Variants in KIAA0232 observed in about 807,000 individuals in gnomAD.
KIAA0232 encodes the protein KIAA0232, also known as uncharacterized protein KIAA0232.
KIAA0232 carries 27 observed loss-of-function variants against 122.0 expected under a neutral mutation model. That is an observed-to-expected ratio of 0.22 (90% confidence interval 0.16 to 0.31). The LOEUF is 0.31. KIAA0232 is among the 10% of genes least tolerant of loss of function. KIAA0232 has a pLI of 1.00. For synonymous variants in KIAA0232, 613 were observed against 587.6 expected (o/e 1.04, Z -0.63); for missense variants, 1,551 against 1,634.2 (o/e 0.95, Z 0.88).
chr4:6,784,082 A>T (rs1270249362), intron 1 of KIAA0232, among the ~76,000 whole-genome samples: 1 of 151,918 alleles, frequency 6.6e-6, no homozygotes, highest in Non-Finnish European at 1.5e-5. Flanking sequence ...TCTATAGGCA[A>T]GCTATAAAGA....
intron 1 of KIAA0232, among the ~76,000 whole-genome samples, chr4:6,790,188 T>A (rs1716829359): frequency 6.6e-6 from 1 of 152,172 alleles, no homozygotes; most frequent in Non-Finnish European, 1.5e-5. Context: ...CTGTTGAGAT[T>A]TCTGTTTCTG....
chr4:6,826,138 A>G (rs543438136), intron 3 of KIAA0232, among the ~76,000 whole-genome samples: 2 of 152,144 alleles, frequency 1.3e-5, no homozygotes, highest in East Asian at 3.9e-4. Context: ...TTTATACCTC[A>G]GTTGTGCAGA....
chr4:6,858,402 T>G lies in KIAA0232; in HGVS notation c.437-23T>G, dbSNP rs537772416. On this transcript the variant is annotated intron_variant, in intron 5 of 9. Transcript: ENST00000307659. ...ATTAACTAGATATAAGACAAATCTTTCTTAATTTTTGTTTCATAACAGAAG... is the reference window on the plus strand; with the variant it reads ...ATTAACTAGATATAAGACAAATCTTGCTTAATTTTTGTTTCATAACAGAAG... 4.9e-6 allele frequency: 7 copies of G among 1,436,514 alleles called. No individual in the cohort carries two copies. The African/African-American group carries it at 1.0e-4, about 21-fold the overall frequency. 89.0% of individuals were successfully genotyped at this position (1,436,514 alleles called of 1,614,324 possible). A position where few individuals can be genotyped will look rare whatever the true frequency, so the allele number is the denominator to read the frequency against.
intron 3 of KIAA0232, among the ~76,000 whole-genome samples, chr4:6,826,896 A>T (rs1341584672): frequency 1.3e-5 from 2 of 152,156 alleles, no homozygotes; most frequent in Admixed American, 6.5e-5. Context: ...AACATCTCTG[A>T]TCAGACTTGT....
intron 8 of KIAA0232, among the ~76,000 whole-genome samples, chr4:6,875,614 T>C (rs994330767): frequency 2.0e-5 from 3 of 152,178 alleles, no homozygotes; most frequent in African/African-American, 7.2e-5. Flanking sequence ...AGCCTTGTCC[T>C]TTGGGGTGTT....
intron 4 of KIAA0232, among the ~76,000 whole-genome samples, chr4:6,848,131 C>A (rs1382734111): frequency 6.6e-6 from 1 of 152,108 alleles, no homozygotes; most frequent in Non-Finnish European, 1.5e-5. Flanking sequence ...GGACTTACAC[C>A]CTAAGTAGAG....
chr4:6,843,927 C>CTT (rs373793407), intron 4 of KIAA0232, among the ~76,000 whole-genome samples: 1,281 of 46,408 alleles, frequency 0.028, 257 homozygotes, highest in Non-Finnish European at 0.038. Flanking sequence ...AGTTACCCAT[C>CTT]TTTTTTTTTT....
chr4:6,850,870 A>C (rs181028095), intron 4 of KIAA0232, among the ~76,000 whole-genome samples: 1 of 152,052 alleles, frequency 6.6e-6, no homozygotes, highest in African/African-American at 2.4e-5. Context: ...GGATTTCACC[A>C]TGTTGGCCAG....
At position 6,870,366 on chromosome 4, in the gene KIAA0232, C is replaced by T. The variant is rs148129864; in HGVS notation, c.3802-1208C>T. ...CTCCCGCTCTCAGGAATCATTCTCT[C>T]ATCTCATTTGGATGGCTATCTCCTA... is the stretch of plus-strand genomic sequence containing the variant. On this transcript the variant is annotated intron_variant, in intron 7 of 9. Coordinates refer to ENST00000307659, the MANE Select transcript of KIAA0232 (RefSeq NM_014743.3). Among the ~76,000 whole-genome samples the T allele has an allele frequency of 2.6e-3, 390 of 152,362 alleles. 3 individuals carry two copies. Among genetic ancestry groups the T allele is most frequent in the African/African-American group, 8.8e-3 (364 of 41,592 alleles).
chr4:6,783,531 T>G (rs1304172367), intron 1 of KIAA0232, among the ~76,000 whole-genome samples: 1 of 152,098 alleles, frequency 6.6e-6, no homozygotes, highest in Non-Finnish European at 1.5e-5. Context: ...GCCGGCAGCC[T>G]GGGCCGCTCG....
chr4:6,868,089 A>G (rs1281221261), intron 7 of KIAA0232, among the ~76,000 whole-genome samples: 2 of 152,228 alleles, frequency 1.3e-5, no homozygotes, highest in Non-Finnish European at 2.9e-5. Context: ...GAGTAAAACT[A>G]AAACCAAGCA....
chr4:6,815,832 A>G (rs1718095474), intron 2 of KIAA0232, among the ~76,000 whole-genome samples: 1 of 152,184 alleles, frequency 6.6e-6, no homozygotes, highest in South Asian at 2.1e-4. Context: ...TAATAATGCA[A>G]GCAAAGGTTT....
intron 4 of KIAA0232, among the ~76,000 whole-genome samples, chr4:6,844,874 T>C (rs1719868993): frequency 6.6e-6 from 1 of 152,208 alleles, no homozygotes; most frequent in Non-Finnish European, 1.5e-5. Context: ...TAAGGAAGAA[T>C]AGAAATATAT....
intron 2 of KIAA0232, among the ~76,000 whole-genome samples, chr4:6,816,144 A>G (rs1164257977): frequency 3.3e-5 from 5 of 152,026 alleles, no homozygotes; most frequent in Non-Finnish European, 7.4e-5. Flanking sequence ...ATTGTGTAGA[A>G]CAGCATTCTT....
At position 6,880,824 on chromosome 4, in the gene KIAA0232, G is replaced by A; in HGVS notation, c.4046G>A (p.Arg1349Lys). Residue 1349 changes from arginine (R) to lysine (K), a missense_variant, in exon 10 of 10, where the codon AGA (arginine) becomes AAA (lysine). Coordinates refer to ENST00000307659, the MANE Select transcript of KIAA0232 (RefSeq NM_014743.3). Reference protein sequence around the residue: ...SVYEARCTGERDSGAKSDGFR... With the variant: ...SVYEARCTGEKDSGAKSDGFR... The stretch of plus-strand genomic sequence containing the variant: ...TATGAAGCAAGATGTACAGGAGAGA[G>A]AGATTCTGGAGCAAAGTCAGATGGC... 6.3e-7 allele frequency: 1 copy of A among 1,598,636 alleles called. No individual in the cohort carries two copies. Among genetic ancestry groups the A allele is most frequent in the Non-Finnish European group, 8.5e-7 (1 of 1,170,744 alleles).
At position 6,843,832 on chromosome 4, in the gene KIAA0232, A is replaced by G. The variant is rs909343108; in HGVS notation, c.369+1628A>G. Among the ~76,000 whole-genome samples, 10 of 149,812 alleles carry G rather than the reference A, an allele frequency of 6.7e-5. No homozygotes were observed. In the East Asian group the frequency reaches 1.6e-3, roughly 24 times the overall value. On this transcript the variant is annotated intron_variant, in intron 4 of 9. Transcript: ENST00000307659. ...TCCCCTGGCCATATACTCATGATACATTGTGTATACCTCAAATAACATGGC... is the reference window on the plus strand; with the variant it reads ...TCCCCTGGCCATATACTCATGATACGTTGTGTATACCTCAAATAACATGGC...
intron 1 of KIAA0232, among the ~76,000 whole-genome samples, chr4:6,789,128 C>T (rs1445502788): frequency 2.6e-5 from 4 of 151,850 alleles, no homozygotes; most frequent in South Asian, 2.1e-4. Context: ...CCGACCACAA[C>T]GCCCGGCTAA....
chr4:6,826,195 C>T (rs1718675369), intron 3 of KIAA0232, among the ~76,000 whole-genome samples: 2 of 152,194 alleles, frequency 1.3e-5, no homozygotes, highest in African/African-American at 2.4e-5. Flanking sequence ...CTGGACACAG[C>T]GGCATTTTTC....
chr4:6,794,976 G>T (rs1717065749), intron 1 of KIAA0232, among the ~76,000 whole-genome samples: 1 of 152,172 alleles, frequency 6.6e-6, no homozygotes, highest in African/African-American at 2.4e-5. Context: ...GGGAAAGGAT[G>T]GAGCAGTCTC....
Sources: gnomAD v4.1 joint callset for allele counts (sites outside exome capture counted in the v4.1 genomes callset) on GRCh38, gnomAD v4.1.1 for gene constraint, MANE v1.5 for transcripts, NCBI Gene and HGNC (gene_info 2026-07-23, HGNC 2026-07-21) for gene names.